Variants in TMEM267 observed in about 807,000 individuals in gnomAD.
TMEM267 encodes the protein transmembrane protein 267, also known as transmembrane protein C5orf28.
Under a neutral mutation model 19.3 loss-of-function variants are expected in TMEM267, and 20 were observed. The ratio of observed to expected loss-of-function variants is 1.04; its 90% CI spans 0.73 to 1.51. The LOEUF is 1.51. TMEM267 is among the 40% of genes most tolerant of loss of function. The pLI is 0.00. For synonymous variants in TMEM267, 88 were observed against 90.3 expected, an observed-to-expected ratio of 0.97 and a Z score of 0.15; for missense variants, 242 against 261.9, an observed-to-expected ratio of 0.92 and a Z score of 0.52.
chr5:43,480,600 G>C (rs186492891), intron 1 of TMEM267, among the ~76,000 whole-genome samples: 1 of 151,868 alleles, frequency 6.6e-6, no homozygotes, highest in Admixed American at 6.6e-5. Context: ...TGGGATTACA[G>C]GAGTGAGCCA....
At chr5:43,464,490 A>G (rs1743498833) in intron 1 of TMEM267, among the ~76,000 whole-genome samples, 1 of 152,278 alleles carries the variant, frequency 6.6e-6, no homozygotes, top group African/African-American at 2.4e-5. Flanking sequence ...AAGAGCCCGC[A>G]TTACCAAGTC....
intron 2 of TMEM267, among the ~76,000 whole-genome samples, chr5:43,453,434 G>A (rs1404456778): frequency 8.5e-5 from 13 of 152,156 alleles, no homozygotes; most frequent in Admixed American, 8.5e-4. Flanking sequence ...CAGTTCGTGG[G>A]TCTTTGCTCT....
chr5:43,474,759 C>CAAAA (rs1175355175), intron 1 of TMEM267, among the ~76,000 whole-genome samples: 52 of 57,436 alleles, frequency 9.1e-4, no homozygotes, highest in Admixed American at 3.3e-3. Context: ...AACTCTGTCT[C>CAAAA]AAAAAAAAAA....
In TMEM267 at chr5:43,444,838, T is replaced by C. The variant is rs767544151; in HGVS notation, c.*1384A>G. ...AAAATAAGTAGACTGTAATATCTAA[T>C]CAATTGCAAAATATAATAGATTGCA... is the stretch of plus-strand genomic sequence containing the variant. On this transcript the variant is annotated 3_prime_UTR_variant, in exon 3 of 3. Coordinates refer to ENST00000397080, the MANE Select transcript of TMEM267 (RefSeq NM_022483.5). 5.3e-5 allele frequency: 8 copies of C among 152,026 alleles called. No individual in the cohort carries two copies. The highest frequency in any genetic ancestry group is 5.9e-5 in the Non-Finnish European group (4 of 68,022). 9.4% of individuals were successfully genotyped at this position (152,026 alleles called of 1,614,324 possible). A position where few individuals can be genotyped will look rare whatever the true frequency, so the allele number is the denominator to read the frequency against.
intron 1 of TMEM267, among the ~76,000 whole-genome samples, chr5:43,472,329 T>C (rs184512766): frequency 7.2e-5 from 11 of 152,282 alleles, no homozygotes; most frequent in African/African-American, 2.6e-4. Flanking sequence ...GGAAACCTTG[T>C]ACTCTCTTGG....
intron 1 of TMEM267, among the ~76,000 whole-genome samples, chr5:43,473,372 A>C (rs1398408796): frequency 1.3e-5 from 2 of 152,168 alleles, no homozygotes; most frequent in African/African-American, 2.4e-5. Flanking sequence ...GTCTCAGCCC[A>C]AAATCTCCTT....
rs573631248 is a variant in TMEM267, at chr5:43,466,596, A to C, written c.-74-12553T>G. On this transcript the variant is annotated intron_variant, in intron 1 of 2. Coordinates refer to ENST00000397080, the MANE Select transcript of TMEM267 (RefSeq NM_022483.5). ...TCACTGGTAATAGCAAGTACACAAA[A>C]AAATAGAAAGTGAAAAAGTAGGCGG... Among the ~76,000 whole-genome samples, 5 of 152,328 alleles carry C rather than the reference A, an allele frequency of 3.3e-5. No individual in the cohort carries two copies. The East Asian group carries it at 9.6e-4, about 29-fold the overall frequency.
intron 1 of TMEM267, among the ~76,000 whole-genome samples, chr5:43,463,186 T>G (rs1743384184): frequency 6.6e-6 from 1 of 152,190 alleles, no homozygotes; most frequent in Admixed American, 6.5e-5. Flanking sequence ...CTAGAAAATC[T>G]AGAAGAAATG....
intron 1 of TMEM267, among the ~76,000 whole-genome samples, chr5:43,478,201 A>G (rs1326624836): frequency 6.6e-6 from 1 of 152,254 alleles, no homozygotes; most frequent in Non-Finnish European, 1.5e-5. Context: ...ATCATCAGAC[A>G]AAACCTAGTT....
At chr5:43,460,092 C>T (rs1356902792) in intron 1 of TMEM267, among the ~76,000 whole-genome samples, 5 of 152,180 alleles carry the variant, frequency 3.3e-5, no homozygotes, top group Non-Finnish European at 7.3e-5. Context: ...CTAGAACTCG[C>T]ATGTGCAGTT....
chr5:43,474,924 T>A (rs1193972601), intron 1 of TMEM267, among the ~76,000 whole-genome samples: 1 of 151,662 alleles, frequency 6.6e-6, no homozygotes, highest in Non-Finnish European at 1.5e-5. Context: ...TTTACACTGT[T>A]GGTGGGAGTG....
chr5:43,483,290 G>A (rs1270271761), intron 1 of TMEM267, among the ~76,000 whole-genome samples: 1 of 152,182 alleles, frequency 6.6e-6, no homozygotes, highest in African/African-American at 2.4e-5. Context: ...TCAAGCCTCA[G>A]AAGTTCCCAG....
At chr5:43,464,268 A>C (rs1476888457) in intron 1 of TMEM267, among the ~76,000 whole-genome samples, 1 of 151,974 alleles carries the variant, frequency 6.6e-6, no homozygotes, top group African/African-American at 2.4e-5. Context: ...GGACCTCTTC[A>C]AGGAGAACTA....
chr5:43,467,470 A>G (rs796509473), intron 1 of TMEM267, among the ~76,000 whole-genome samples: 12 of 152,358 alleles, frequency 7.9e-5, no homozygotes, highest in African/African-American at 2.9e-4. Context: ...ATTTCAAGAC[A>G]AAAAGTATAA....
intron 1 of TMEM267, 112 bp downstream of exon 1, chr5:43,483,710 G>A (rs1299770387): frequency 2.6e-5 from 4 of 152,394 alleles, no homozygotes; most frequent in Admixed American, 2.0e-4. Context: ...GGACCCTCCA[G>A]ACATCAGACT....
At chr5:43,467,911 G>A (rs766315286) in intron 1 of TMEM267, among the ~76,000 whole-genome samples, 44 of 152,048 alleles carry the variant, frequency 2.9e-4, no homozygotes, top group Non-Finnish European at 5.4e-4. Flanking sequence ...AGTTGGGGGG[G>A]GCCTTACTTT....
At chr5:43,448,147 C>G (rs77194569) in intron 2 of TMEM267, among the ~76,000 whole-genome samples, 1 of 152,204 alleles carries the variant, frequency 6.6e-6, no homozygotes, top group Non-Finnish European at 1.5e-5. Context: ...ATCCTATAAA[C>G]CCTCTCCTCA....
At chr5:43,463,546 T>C (rs1348986652) in intron 1 of TMEM267, among the ~76,000 whole-genome samples, 2 of 152,080 alleles carry the variant, frequency 1.3e-5, no homozygotes, top group African/African-American at 4.8e-5. Context: ...CTCAATAAAA[T>C]ACTGGCAAAC....
At chr5:43,471,874 T>C (rs1042749594) in intron 1 of TMEM267, among the ~76,000 whole-genome samples, 1 of 152,156 alleles carries the variant, frequency 6.6e-6, no homozygotes, top group Admixed American at 6.5e-5. Flanking sequence ...TCCACGACAT[T>C]GATGTGGGCA....
Sources: allele counts gnomAD v4.1 joint callset (sites outside exome capture counted in the v4.1 genomes callset), GRCh38; gene constraint gnomAD v4.1.1; transcripts MANE v1.5; gene names NCBI Gene and HGNC (gene_info 2026-07-23, HGNC 2026-07-21).